KDM2B: variants seen among roughly 807,000 people sequenced by gnomAD.
The protein encoded by KDM2B is lysine demethylase 2B, also known as lysine-specific demethylase 2B.
In KDM2B, 26 loss-of-function variants were observed where a neutral mutation model predicts 150.0. The ratio of observed to expected loss-of-function variants is 0.17; its 90% confidence interval spans 0.13 to 0.24. The LOEUF is 0.24. Ranked by LOEUF, KDM2B falls within the 10% of genes least tolerant of loss-of-function variation. The pLI, the probability that KDM2B is intolerant of heterozygous loss-of-function variation, is 1.00. For missense variants in KDM2B, 1,265 were observed against 1,816.9 expected (o/e 0.70, Z 5.52); for synonymous variants, 734 against 729.5 (o/e 1.01, Z -0.10).
the KDM2B span, among the ~76,000 whole-genome samples, chr12:121,414,841 C>T: frequency 1.3e-5 from 2 of 152,194 alleles, no homozygotes; most frequent in Non-Finnish European, 2.9e-5. Context: ...TGCCTGTAAT[C>T]CCAGCACTTC....
chr12:121,410,876 C>T, the KDM2B span, among the ~76,000 whole-genome samples: 1 of 152,136 alleles, frequency 6.6e-6, no homozygotes, highest in Non-Finnish European at 1.5e-5. Flanking sequence ...CTGAGTTGTA[C>T]TGAATATTGG....
Position 121,513,525 on chromosome 12 carries a change from T to C in KDM2B, c.1048-123A>G. On this transcript the variant is annotated intron_variant, in intron 9 of 22. Transcript: ENST00000377071. The surrounding 1 kb of genome is among the most constrained non-coding windows in gnomAD (Gnocchi z 5.0). ...CACTGTCATCATCTTAGCGAGAGCA[T>C]GGATGGTCGGGGGAGAAATGGTGGG... 2 of 1,109,498 alleles carry C rather than the reference T, an allele frequency of 1.8e-6. No homozygotes were observed. The highest frequency in any genetic ancestry group is 2.6e-6 in the Non-Finnish European group (2 of 763,744). 68.7% of individuals were successfully genotyped at this position (1,109,498 alleles called of 1,614,324 possible).
intron 1 of KDM2B, 97 bp from the exon 2 acceptor site, chr12:121,579,043 C>A: frequency 1.5e-6 from 2 of 1,353,714 alleles, no homozygotes; most frequent in Non-Finnish European, 1.0e-6. Flanking sequence ...AGCAGCCGAG[C>A]GCCCCCTGCA....
the KDM2B span, chr12:121,416,010 A>G: frequency 1.6e-6 from 1 of 613,810 alleles, no homozygotes; most frequent in South Asian, 2.1e-5. Context: ...ATTCTTTCCA[A>G]ATGGCTTGAA....
rs71453557 is a variant in KDM2B, at chr12:121,431,295, CTTTTTTTTTTTTTT to C, written c.3830-840_3830-827del. On this transcript the variant is annotated intron_variant, in intron 22 of 22. Transcript: ENST00000377071. Reference sequence around the variant, plus strand: ...TATAGGCGTGTGCCACCATGTGCAACTTTTTTTTTTTTTTTTTTTTTTTTTTTGTAGTAAGTAGA... The same window carrying C: ...TATAGGCGTGTGCCACCATGTGCAACTTTTTTTTTTTTTGTAGTAAGTAGA... Among the ~76,000 whole-genome samples the C allele has an allele frequency of 6.2e-3, 617 of 99,004 alleles. 7 individuals are homozygous for C. Among genetic ancestry groups the C allele is most frequent in the African/African-American group, 0.025 (551 of 21,740 alleles). The allele number at this position is 99,004 out of a possible 152,430, so 65.0% of individuals were successfully genotyped here. A position where few individuals can be genotyped will look rare whatever the true frequency, so the allele number is the denominator to read the frequency against.
intron 12 of KDM2B, among the ~76,000 whole-genome samples, chr12:121,456,541 C>T (rs556875759): frequency 5.3e-5 from 8 of 152,098 alleles, no homozygotes; most frequent in Non-Finnish European, 8.8e-5. Flanking sequence ...ACCAGATCCC[C>T]GGAGCTGGAG....
chr12:121,431,879 C>CT (rs77237915), intron 22 of KDM2B, among the ~76,000 whole-genome samples: 54,811 of 122,340 alleles, frequency 0.45, 12,710 homozygotes, highest in South Asian at 0.51. Context: ...TTTCTTTTTT[C>CT]TTTTTTTTTT....
chr12:121,441,639 G>C (rs112953203), intron 19 of KDM2B, among the ~76,000 whole-genome samples: 3 of 152,102 alleles, frequency 2.0e-5, no homozygotes, highest in African/African-American at 7.2e-5. Flanking sequence ...GTTTCACCTT[G>C]TTGGCCAGGC....
chr12:121,479,879 C>A (rs1383978431), intron 12 of KDM2B, among the ~76,000 whole-genome samples: 1 of 152,158 alleles, frequency 6.6e-6, no homozygotes, highest in Non-Finnish European at 1.5e-5. Context: ...GCCTCGGCCT[C>A]CCAAAGTGCT....
At chr12:121,567,923 T>G (rs950612424) in intron 4 of KDM2B, among the ~76,000 whole-genome samples, 1 of 151,836 alleles carries the variant, frequency 6.6e-6, no homozygotes, top group Non-Finnish European at 1.5e-5. Flanking sequence ...GACACTGAGT[T>G]TCACCATGTT....
rs371377304 is a variant in KDM2B at position 121,439,891 on chromosome 12, G to A, written c.3795C>T (p.Thr1265=). 47 of 1,614,220 alleles carry A rather than the reference G, an allele frequency of 2.9e-5. No individual in the cohort carries two copies. The Admixed American group carries it at 5.8e-4, about 20-fold the overall frequency. ...TGATCTCGGTTAAGGAGTCTCGGGTGGTGGTGCCAACAGCAGTGAGCAGGT... is the reference window on the plus strand; with the variant it reads ...TGATCTCGGTTAAGGAGTCTCGGGTAGTGGTGCCAACAGCAGTGAGCAGGT... The part of the protein sequence containing the change: ...SINLLTAVGT[T]TRDSLTEINL... The change falls in exon 22 of 23, where the codon ACC becomes ACT. Residue 1265 remains threonine (T), a synonymous_variant. Transcript: ENST00000377071.
chr12:121,506,508 A>G (rs1555302975), intron 11 of KDM2B, among the ~76,000 whole-genome samples: 1 of 152,158 alleles, frequency 6.6e-6, no homozygotes, highest in African/African-American at 2.4e-5. Flanking sequence ...CAGCCTGAAA[A>G]GAGCCTCATT....
intron 4 of KDM2B, among the ~76,000 whole-genome samples, chr12:121,563,002 T>C (rs1320899169): frequency 6.6e-6 from 1 of 152,150 alleles, no homozygotes; most frequent in African/African-American, 2.4e-5. Context: ...GATTCTCTCA[T>C]TAGAGAGAAA....
intron 13 of KDM2B, among the ~76,000 whole-genome samples, chr12:121,445,906 T>C (rs940568796): frequency 6.6e-6 from 1 of 152,216 alleles, no homozygotes; most frequent in Non-Finnish European, 1.5e-5. Flanking sequence ...GCACAGACCA[T>C]GGACTGCGGG....
intron 11 of KDM2B, among the ~76,000 whole-genome samples, chr12:121,504,668 A>G (rs1884886125): frequency 6.6e-6 from 1 of 152,158 alleles, no homozygotes; most frequent in Non-Finnish European, 1.5e-5. Context: ...CAGTGATAAA[A>G]AGGTTCTGGA....
chr12:121,550,309 C>CAAA (rs782618970), intron 4 of KDM2B, among the ~76,000 whole-genome samples: 1 of 107,088 alleles, frequency 9.3e-6, no homozygotes, highest in Non-Finnish European at 2.0e-5. Context: ...GACTTTGTCT[C>CAAA]AAAAAAAAAA....
At chr12:121,484,804 C>T (rs956950981) in intron 12 of KDM2B, among the ~76,000 whole-genome samples, 17 of 152,002 alleles carry the variant, frequency 1.1e-4, no homozygotes, top group African/African-American at 4.1e-4. Context: ...GGCAACAGAG[C>T]AAGACCCTGT....
At position 121,441,063 on chromosome 12, in the gene KDM2B, G is replaced by A. The variant is rs548039248; in HGVS notation, c.3448+7C>T. ...GACACACTCGGGGCCACTGGCCCAG[G>A]GCTCACCAGGCAGCCGGTTGATGAG... On this transcript the variant is annotated splice_region_variant and intron_variant, in intron 20 of 22. Transcript: ENST00000377071. 208 of 1,614,062 alleles carry A rather than the reference G, an allele frequency of 1.3e-4. 3 individuals carry two copies. In the South Asian group the frequency reaches 2.2e-3, roughly 17 times the overall value.
rs137963670 is a variant in KDM2B, at chr12:121,546,948, T to G, written c.683+1929A>C. ...TGACCCCAGGTGATCTGCCCCCTCT[T>G]GGCCTCGCAAAGTGCTGGGATTACA... On this transcript the variant is annotated intron_variant, in intron 6 of 22. Transcript: ENST00000377071. 8.7e-4 allele frequency among the ~76,000 whole-genome samples: 131 copies of G among 149,854 alleles called. 2 individuals carry two copies. The highest frequency in any genetic ancestry group is 1.9e-3 in the Admixed American group (29 of 15,076).
Sources: allele counts gnomAD v4.1 joint callset (sites outside exome capture counted in the v4.1 genomes callset), GRCh38; gene constraint gnomAD v4.1.1; non-coding constraint Gnocchi (gnomAD v3.1); transcripts MANE v1.5; gene names NCBI Gene and HGNC (gene_info 2026-07-23, HGNC 2026-07-21).